Variants in MGMT observed in about 807,000 individuals in gnomAD.
MGMT encodes methylated-DNA--protein-cysteine methyltransferase.
A neutral mutation model predicts 15.9 loss-of-function variants in MGMT; 14 were observed. The observed-to-expected ratio is 0.88, with a 90% CI of 0.58 to 1.37. The LOEUF is 1.37. Ranked by LOEUF, MGMT falls within the 40% of genes most tolerant of loss-of-function variation. The pLI is 0.00. For synonymous variants in MGMT, 130 were observed against 118.2 expected (o/e 1.10, Z -0.65); for missense variants, 282 against 268.1 (o/e 1.05, Z -0.36).
intron 2 of MGMT, among the ~76,000 whole-genome samples, chr10:129,579,373 C>CA (rs1453627911): frequency 6.6e-6 from 1 of 152,188 alleles, no homozygotes; most frequent in Non-Finnish European, 1.5e-5. Flanking sequence ...TCCCGTGGGT[C>CA]AGGAGCATGG....
chr10:129,687,873 G>C (rs897788321), intron 2 of MGMT, among the ~76,000 whole-genome samples: 13 of 151,746 alleles, frequency 8.6e-5, no homozygotes, highest in African/African-American at 2.9e-4. Flanking sequence ...ACAGGCCCTG[G>C]TGTGTGATGT....
intron 2 of MGMT, among the ~76,000 whole-genome samples, chr10:129,696,241 A>T (rs1848030897): frequency 6.6e-6 from 1 of 152,220 alleles, no homozygotes; most frequent in Admixed American, 6.5e-5. Context: ...CAGTTACAGC[A>T]TGAAGGTGGT....
intron 2 of MGMT, among the ~76,000 whole-genome samples, chr10:129,692,192 A>AT (rs1451574891): frequency 6.6e-6 from 1 of 152,156 alleles, no homozygotes; most frequent in Non-Finnish European, 1.5e-5. Context: ...TCAGAGTTGA[A>AT]TTAGGGTTTG....
chr10:129,570,918 C>T (rs1166516287), intron 2 of MGMT, among the ~76,000 whole-genome samples: 1 of 152,172 alleles, frequency 6.6e-6, no homozygotes, highest in Non-Finnish European at 1.5e-5. Flanking sequence ...TAGACAAGGT[C>T]TGTCAAGATA....
At chr10:129,586,634 T>C (rs117805190) in intron 2 of MGMT, among the ~76,000 whole-genome samples, 4,950 of 152,306 alleles carry the variant, frequency 0.033, 130 homozygotes, top group South Asian at 0.065. Context: ...ATTCGTTTGT[T>C]ATTGTACATT....
At chr10:129,692,040 G>T in intron 2 of MGMT, among the ~76,000 whole-genome samples, 1 of 152,212 alleles carries the variant, frequency 6.6e-6, no homozygotes, top group African/African-American at 2.4e-5. Flanking sequence ...GCACGTGGGG[G>T]CACCGAGCAC....
chr10:129,558,140 G>A (rs916693681), intron 2 of MGMT, among the ~76,000 whole-genome samples: 9 of 152,166 alleles, frequency 5.9e-5, no homozygotes, highest in African/African-American at 2.2e-4. Context: ...TGGGGTCGGG[G>A]TATTTCCAGT....
chr10:129,580,791 C>T (rs1846544394), intron 2 of MGMT, among the ~76,000 whole-genome samples: 1 of 152,220 alleles, frequency 6.6e-6, no homozygotes, highest in Non-Finnish European at 1.5e-5. Context: ...CTGGGCAGCT[C>T]AAGGCAGCAA....
rs143150797 is a variant in MGMT, at chr10:129,682,080, G to A, written c.126-25815G>A. 4.4e-3 allele frequency among the ~76,000 whole-genome samples: 677 copies of A among 152,204 alleles called. 6 individuals carry two copies. Among genetic ancestry groups the A allele is most frequent in the African/African-American group, 0.015 (620 of 41,530 alleles). On this transcript the variant is annotated intron_variant, in intron 2 of 4. Coordinates refer to ENST00000651593, the MANE Select transcript of MGMT (RefSeq NM_002412.5). Reference sequence around the variant, plus strand: ...ACTCCTACAGCCACTCGGAGACCACGTGGCCACTTCCCAGAAAGTTAAGCA... The same window carrying A: ...ACTCCTACAGCCACTCGGAGACCACATGGCCACTTCCCAGAAAGTTAAGCA...
At chr10:129,638,448 A>AAAAAAAAAAAAAAAAAAAAAAAAAAAC (rs1564744665) in intron 2 of MGMT, among the ~76,000 whole-genome samples, 1 of 148,592 alleles carries the variant, frequency 6.7e-6, no homozygotes, top group African/African-American at 2.5e-5. Context: ...AAAAAAAAGA[A>AAAAAAAAAAAAAAAAAAAAAAAAAAAC]AAAAAAAAGA....
At chr10:129,555,188 T>C (rs1054863952) in intron 2 of MGMT, among the ~76,000 whole-genome samples, 1 of 152,188 alleles carries the variant, frequency 6.6e-6, no homozygotes, top group Non-Finnish European at 1.5e-5. Flanking sequence ...ACATATTTCA[T>C]AGGCCTCCTT....
chr10:129,532,866 C>G lies in MGMT; in HGVS notation c.-12-3375C>G, dbSNP rs1023891556. On this transcript the variant is annotated intron_variant, in intron 1 of 4. Coordinates refer to ENST00000651593, the MANE Select transcript of MGMT (RefSeq NM_002412.5). This position sits in a 1 kb window ranked among gnomAD's most constrained non-coding sequence, Gnocchi z 5.3. ...GCGCAGCTAGTGTCTGACCAGCCCC[C>G]ACATGGGGCACTCCCCAGTCCGAAT... Among the ~76,000 whole-genome samples, 2 of 152,202 alleles carry G rather than the reference C, an allele frequency of 1.3e-5. No individual in the cohort carries two copies. Among genetic ancestry groups the G allele is most frequent in the African/African-American group, 4.8e-5 (2 of 41,454 alleles).
At chr10:129,535,458 C>A (rs1408491578) in intron 1 of MGMT, among the ~76,000 whole-genome samples, 3 of 152,142 alleles carry the variant, frequency 2.0e-5, no homozygotes, top group Non-Finnish European at 4.4e-5. Context: ...CCCTGTATTC[C>A]CCAGGCTCTA....
chr10:129,763,032 G>A (rs930853359), intron 4 of MGMT, among the ~76,000 whole-genome samples: 17 of 152,048 alleles, frequency 1.1e-4, no homozygotes, highest in African/African-American at 3.4e-4. Context: ...CAGAATCAGA[G>A]GGATTCCATC....
At chr10:129,702,007 A>G (rs966221617) in intron 2 of MGMT, 7 of 152,294 alleles carry the variant, frequency 4.6e-5, no homozygotes, top group African/African-American at 1.7e-4. Context: ...GTTTGGGTTG[A>G]AGGGAAGGCG....
chr10:129,657,614 C>A (rs1847539185), intron 2 of MGMT, among the ~76,000 whole-genome samples: 1 of 148,882 alleles, frequency 6.7e-6, no homozygotes, highest in Admixed American at 6.7e-5. Flanking sequence ...GAAGAAATGG[C>A]CTCTGACAGC....
Position 129,667,918 on chromosome 10 carries a change from G to T in MGMT, c.126-39977G>T, listed in dbSNP as rs529975680. Among the ~76,000 whole-genome samples the T allele has an allele frequency of 2.0e-5, 3 of 152,250 alleles. No homozygotes were observed. In the South Asian group the frequency reaches 6.2e-4, roughly 32 times the overall value. On this transcript the variant is annotated intron_variant, in intron 2 of 4. Coordinates refer to ENST00000651593, the MANE Select transcript of MGMT (RefSeq NM_002412.5). ...TGCTCTTTTTAAAGTATTTGTACAGGACTTTCACCCATTCTCTTATTGTGT... is the reference window on the plus strand; with the variant it reads ...TGCTCTTTTTAAAGTATTTGTACAGTACTTTCACCCATTCTCTTATTGTGT...
chr10:129,643,812 A>C (rs930426435), intron 2 of MGMT, among the ~76,000 whole-genome samples: 2 of 152,210 alleles, frequency 1.3e-5, no homozygotes, highest in Admixed American at 6.5e-5. Context: ...GAGGCATCAA[A>C]GCTATGCTTT....
chr10:129,761,799 C>T (rs149728822), intron 4 of MGMT, among the ~76,000 whole-genome samples: 1 of 152,334 alleles, frequency 6.6e-6, no homozygotes, highest in East Asian at 1.9e-4. Flanking sequence ...GGCAGCCAGG[C>T]GGTGGTGGCT....
Sources: allele counts gnomAD v4.1 joint callset (sites outside exome capture counted in the v4.1 genomes callset), GRCh38; gene constraint gnomAD v4.1.1; non-coding constraint Gnocchi (gnomAD v3.1); transcripts MANE v1.5; gene names NCBI Gene and HGNC (gene_info 2026-07-23, HGNC 2026-07-21).